The following IGSF21 variants were observed in gnomAD, a reference collection of about 807,000 sequenced individuals.
IGSF21 encodes immunoglobulin superfamily member 21.
A neutral mutation model predicts 46.8 loss-of-function variants in IGSF21; 28 were observed. The observed-to-expected ratio is 0.60, with a 90% CI of 0.44 to 0.82. IGSF21 has a LOEUF of 0.82. Ranked by LOEUF, IGSF21 falls within the 40% of genes least tolerant of loss-of-function variation. The pLI is 0.00. For synonymous variants in IGSF21, 284 were observed against 273.6 expected, an observed-to-expected ratio of 1.04 and a Z score of -0.38; for missense variants, 624 against 665.5, an observed-to-expected ratio of 0.94 and a Z score of 0.69.
chr1:18,193,549 C>T (rs1026267924), intron 1 of IGSF21, among the ~76,000 whole-genome samples: 3 of 152,138 alleles, frequency 2.0e-5, no homozygotes, highest in Non-Finnish European at 4.4e-5. Context: ...AAGCATCCAG[C>T]ATGGGAGAAA....
Position 18,299,233 on chromosome 1 carries a change from G to A in IGSF21, c.305+7246G>A, listed in dbSNP as rs548461311. 2.8e-4 allele frequency among the ~76,000 whole-genome samples: 42 copies of A among 152,338 alleles called. No individual in the cohort carries two copies. In the South Asian group the frequency reaches 6.2e-3, roughly 23 times the overall value. On this transcript the variant is annotated intron_variant, in intron 3 of 9. Coordinates refer to ENST00000251296, the MANE Select transcript of IGSF21 (RefSeq NM_032880.5). Reference sequence around the variant, plus strand: ...TAGTGGCAAGACCACTCTATGGGCAGACAATGGCTTCTAAGCGGAAGCTCT... The same window carrying A: ...TAGTGGCAAGACCACTCTATGGGCAAACAATGGCTTCTAAGCGGAAGCTCT...
chr1:18,127,496 G>A (rs574329879), intron 1 of IGSF21, among the ~76,000 whole-genome samples: 7 of 152,208 alleles, frequency 4.6e-5, no homozygotes, highest in Admixed American at 1.3e-4. Flanking sequence ...TCAGGGCCAC[G>A]TGGAGAACTT....
intron 2 of IGSF21, among the ~76,000 whole-genome samples, chr1:18,249,428 T>C (rs2084815348): frequency 6.6e-6 from 1 of 152,088 alleles, no homozygotes; most frequent in Non-Finnish European, 1.5e-5. Flanking sequence ...AACAGATGGC[T>C]GAGTGAGAAC....
chr1:18,351,381 C>T (rs1009935339), intron 4 of IGSF21, among the ~76,000 whole-genome samples: 2 of 152,196 alleles, frequency 1.3e-5, no homozygotes, highest in African/African-American at 2.4e-5. Flanking sequence ...AGGGCTGTGA[C>T]CTCGAGCCAG....
chr1:18,227,247 C>A (rs547279879), intron 1 of IGSF21, among the ~76,000 whole-genome samples: 15 of 152,156 alleles, frequency 9.9e-5, no homozygotes, highest in African/African-American at 3.6e-4. Context: ...GTTAAGGAAG[C>A]CAATGGTGGT....
chr1:18,276,900 A>G (rs1315602895), intron 2 of IGSF21, among the ~76,000 whole-genome samples: 1 of 152,186 alleles, frequency 6.6e-6, no homozygotes, highest in Non-Finnish European at 1.5e-5. Context: ...TGGGCCACAC[A>G]CAAGGACACT....
At chr1:18,202,307 A>T (rs2124483735) in intron 1 of IGSF21, among the ~76,000 whole-genome samples, 1 of 152,340 alleles carries the variant, frequency 6.6e-6, no homozygotes, top group African/African-American at 2.4e-5. Context: ...GGCTCAAGGC[A>T]AACTCTGGGA....
chr1:18,376,734 G>A, intron 7 of IGSF21, 66 bp from the exon 8 acceptor site: 1 of 1,483,016 alleles, frequency 6.7e-7, no homozygotes, highest in Non-Finnish European at 9.2e-7. Context: ...GGCAGCCCCT[G>A]ACCCCTTGCT....
intron 2 of IGSF21, among the ~76,000 whole-genome samples, chr1:18,251,612 A>C (rs188035264): frequency 1.7e-4 from 26 of 152,310 alleles, no homozygotes; most frequent in African/African-American, 5.1e-4. Context: ...CATTGTGTCC[A>C]TCCACACGGA....
intron 2 of IGSF21, among the ~76,000 whole-genome samples, chr1:18,259,070 C>T (rs2124534590): frequency 6.6e-6 from 1 of 152,264 alleles, no homozygotes; most frequent in African/African-American, 2.4e-5. Context: ...TGGGTTTGGC[C>T]ACTGGGCCTT....
chr1:18,356,278 A>AC (rs1327863195), intron 4 of IGSF21, among the ~76,000 whole-genome samples: 1 of 151,776 alleles, frequency 6.6e-6, no homozygotes, highest in Non-Finnish European at 1.5e-5. Context: ...TTACTCACCC[A>AC]CCCCCACCAC....
At chr1:18,301,447 C>G (rs190118477) in intron 3 of IGSF21, among the ~76,000 whole-genome samples, 18 of 152,370 alleles carry the variant, frequency 1.2e-4, no homozygotes, top group Admixed American at 4.6e-4. Flanking sequence ...TTAAGAGATT[C>G]TCCTGCCTCA....
Position 18,121,847 on chromosome 1 carries a change from CT to C in IGSF21, c.70+13650del, listed in dbSNP as rs2086236636. Among the ~76,000 whole-genome samples the C allele has an allele frequency of 2.0e-5, 3 of 152,346 alleles. No individual in the cohort carries two copies. In the South Asian group the frequency reaches 6.2e-4, roughly 32 times the overall value. ...GAGGTGATATTCCTTTACCCAGCCC[CT>C]GTTCCATGTACCCGACTGTCCAAAT... On this transcript the variant is annotated intron_variant, in intron 1 of 9. Coordinates refer to ENST00000251296, the MANE Select transcript of IGSF21 (RefSeq NM_032880.5).
chr1:18,366,133 G>A (rs2086162665), intron 6 of IGSF21, among the ~76,000 whole-genome samples: 1 of 152,088 alleles, frequency 6.6e-6, no homozygotes, highest in African/African-American at 2.4e-5. Context: ...TCACTGGGCT[G>A]GGTCAGCAAC....
intron 1 of IGSF21, among the ~76,000 whole-genome samples, chr1:18,212,902 G>C (rs2084407172): frequency 6.6e-6 from 1 of 152,218 alleles, no homozygotes; most frequent in African/African-American, 2.4e-5. Context: ...AAGTTCCAGA[G>C]GGTGACCACA....
At chr1:18,130,826 A>C (rs941720828) in intron 1 of IGSF21, among the ~76,000 whole-genome samples, 4 of 152,026 alleles carry the variant, frequency 2.6e-5, no homozygotes, top group Non-Finnish European at 5.9e-5. Flanking sequence ...TGTGCAATGG[A>C]CCCTCCTGCC....
intron 3 of IGSF21, among the ~76,000 whole-genome samples, chr1:18,329,463 CACTA>C (rs2085691244): frequency 6.6e-6 from 1 of 152,166 alleles, no homozygotes; most frequent in Non-Finnish European, 1.5e-5. Flanking sequence ...AGACTGTTTC[CACTA>C]ACCTCATTCA....
intron 2 of IGSF21, among the ~76,000 whole-genome samples, chr1:18,236,104 G>A (rs972827459): frequency 2.0e-5 from 2 of 100,510 alleles, no homozygotes; most frequent in Admixed American, 2.0e-4. Context: ...AGGTTGCAAG[G>A]TGATATGGTT....
chr1:18,202,983 C>T (rs1226279352), intron 1 of IGSF21, among the ~76,000 whole-genome samples: 1 of 152,140 alleles, frequency 6.6e-6, no homozygotes, highest in African/African-American at 2.4e-5. Context: ...GGACACCATT[C>T]GTGACACTCT....
Sources: allele counts gnomAD v4.1 joint callset (sites outside exome capture counted in the v4.1 genomes callset), GRCh38; gene constraint gnomAD v4.1.1; transcripts MANE v1.5; gene names NCBI Gene and HGNC (gene_info 2026-07-23, HGNC 2026-07-21).